The following NLGN1 variants were observed in gnomAD, a reference collection of about 807,000 sequenced individuals.
NLGN1 encodes neuroligin-1.
A neutral mutation model predicts 65.5 loss-of-function variants in NLGN1; 12 were observed. The observed-to-expected ratio is 0.18, with a 90% CI of 0.12 to 0.30. NLGN1 has a LOEUF of 0.30. NLGN1 is among the 10% of genes least tolerant of loss of function. The pLI, the probability that NLGN1 is intolerant of heterozygous loss-of-function variation, is 1.00. For synonymous variants in NLGN1, 350 were observed against 359.5 expected (o/e 0.97, Z 0.30); for missense variants, 750 against 1,007.1 (o/e 0.74, Z 3.46).
chr3:174,020,492 T>C (rs1024452665), intron 4 of NLGN1, among the ~76,000 whole-genome samples: 1 of 152,160 alleles, frequency 6.6e-6, no homozygotes, highest in African/African-American at 2.4e-5. Context: ...TGTTACCTAA[T>C]TTAAAAAACA....
chr3:173,946,314 TTG>T (rs914854059), intron 4 of NLGN1, among the ~76,000 whole-genome samples: 10 of 151,730 alleles, frequency 6.6e-5, no homozygotes, highest in Non-Finnish European at 1.0e-4. Flanking sequence ...TTGTGTTTGG[TTG>T]TGTGTGTGTG....
At chr3:173,449,539 G>C (rs898892426) in intron 2 of NLGN1, among the ~76,000 whole-genome samples, 1 of 152,194 alleles carries the variant, frequency 6.6e-6, no homozygotes, top group Non-Finnish European at 1.5e-5. Flanking sequence ...TGTATATTCT[G>C]TTGATTTGGG....
chr3:173,967,084 A>G (rs1715051127), intron 4 of NLGN1, among the ~76,000 whole-genome samples: 1 of 152,226 alleles, frequency 6.6e-6, no homozygotes, highest in Admixed American at 6.5e-5. Context: ...ATCGGCATGG[A>G]AGTCAAGCTC....
intron 3 of NLGN1, among the ~76,000 whole-genome samples, chr3:173,779,044 AAAG>A (rs1780738957): frequency 6.6e-6 from 1 of 151,542 alleles, no homozygotes; most frequent in Non-Finnish European, 1.5e-5. Flanking sequence ...GAAATACTTT[AAAG>A]AATAAGAACA....
chr3:174,149,838 G>A (rs1724003436), intron 4 of NLGN1, among the ~76,000 whole-genome samples: 1 of 152,046 alleles, frequency 6.6e-6, no homozygotes, highest in Non-Finnish European at 1.5e-5. Context: ...TGGTTTGAGA[G>A]CTTTTGAATA....
At chr3:173,862,363 G>C (rs529018892) in intron 4 of NLGN1, among the ~76,000 whole-genome samples, 3 of 151,140 alleles carry the variant, frequency 2.0e-5, no homozygotes, top group Non-Finnish European at 3.0e-5. Flanking sequence ...AAAATTAGCC[G>C]GGCGTAGTGG....
At position 173,972,312 on chromosome 3, in the gene NLGN1, A is replaced by T. The variant is rs77069985; in HGVS notation, c.646+164480A>T. The stretch of plus-strand genomic sequence containing the variant: ...CTGGCTTACTACTTTATGATTTATT[A>T]TATGTAATTTAAAGTGATTAGGTTT... On this transcript the variant is annotated intron_variant, in intron 4 of 6. Transcript: ENST00000457714. 2.0e-5 allele frequency among the ~76,000 whole-genome samples: 3 copies of T among 152,182 alleles called. No homozygotes were observed. The East Asian group carries it at 5.8e-4, about 30-fold the overall frequency.
At chr3:173,628,379 G>A (rs1755132718) in intron 3 of NLGN1, among the ~76,000 whole-genome samples, 1 of 152,046 alleles carries the variant, frequency 6.6e-6, no homozygotes, top group African/African-American at 2.4e-5. Flanking sequence ...CTTAGGTTTT[G>A]CCTTTTACAG....
At chr3:174,251,172 A>G (rs887183068) in intron 4 of NLGN1, among the ~76,000 whole-genome samples, 1 of 152,264 alleles carries the variant, frequency 6.6e-6, no homozygotes, top group East Asian at 1.9e-4. Context: ...GAAATGGTTA[A>G]TACAAAATGA....
chr3:174,166,325 G>A (rs543348221), intron 4 of NLGN1, among the ~76,000 whole-genome samples: 29 of 151,980 alleles, frequency 1.9e-4, no homozygotes, highest in African/African-American at 4.8e-4. Context: ...TGAGATAGGC[G>A]TTTAGCACTA....
chr3:173,637,255 T>A (rs961005540), intron 3 of NLGN1, among the ~76,000 whole-genome samples: 2 of 152,126 alleles, frequency 1.3e-5, no homozygotes, highest in African/African-American at 4.8e-5. Context: ...CAGTTTATCA[T>A]AAAATATCTT....
At chr3:174,197,508 T>A in intron 4 of NLGN1, among the ~76,000 whole-genome samples, 1 of 95,998 alleles carries the variant, frequency 1.0e-5, no homozygotes, top group African/African-American at 4.7e-5. Flanking sequence ...TGAGCTACGG[T>A]ACTTAACCTC....
intron 4 of NLGN1, among the ~76,000 whole-genome samples, chr3:174,044,250 G>A (rs564886103): frequency 1.3e-4 from 20 of 152,212 alleles, no homozygotes; most frequent in Admixed American, 3.9e-4. Flanking sequence ...GACATGCCCC[G>A]GAGACATTTT....
At chr3:174,220,750 C>T (rs1453534736) in intron 4 of NLGN1, among the ~76,000 whole-genome samples, 1 of 151,806 alleles carries the variant, frequency 6.6e-6, no homozygotes, top group Non-Finnish European at 1.5e-5. Context: ...TTGTGCTTTC[C>T]CTGTACCTGA....
intron 4 of NLGN1, among the ~76,000 whole-genome samples, chr3:174,241,993 A>C (rs891336907): frequency 1.3e-5 from 2 of 152,156 alleles, no homozygotes; most frequent in Non-Finnish European, 2.9e-5. Context: ...GTGTGCCAGC[A>C]GAGCACAGTA....
At chr3:173,482,388 G>A (rs536717680) in intron 2 of NLGN1, among the ~76,000 whole-genome samples, 1 of 151,460 alleles carries the variant, frequency 6.6e-6, no homozygotes, top group South Asian at 2.1e-4. Context: ...TTTTTTCCAG[G>A]TGGATCTGAT....
chr3:173,613,649 G>T (rs766627621), intron 3 of NLGN1, among the ~76,000 whole-genome samples: 10 of 151,938 alleles, frequency 6.6e-5, no homozygotes, highest in Non-Finnish European at 1.3e-4. Context: ...TGTTCCATTT[G>T]TTACTTTAGG....
At chr3:173,888,482 A>G (rs1360532406) in intron 4 of NLGN1, among the ~76,000 whole-genome samples, 1 of 151,760 alleles carries the variant, frequency 6.6e-6, no homozygotes, top group African/African-American at 2.4e-5. Context: ...AGTAAATTTG[A>G]TTGGCCATTG....
At chr3:173,425,060 T>TGAAGGA (rs1307095034) in intron 1 of NLGN1, among the ~76,000 whole-genome samples, 1 of 152,052 alleles carries the variant, frequency 6.6e-6, no homozygotes, top group Non-Finnish European at 1.5e-5. Context: ...TGGTGGAAGG[T>TGAAGGA]GAAGGAGAAG....
Sources: gnomAD v4.1 joint callset for allele counts (sites outside exome capture counted in the v4.1 genomes callset) on GRCh38, gnomAD v4.1.1 for gene constraint, MANE v1.5 for transcripts, NCBI Gene and HGNC (gene_info 2026-07-23, HGNC 2026-07-21) for gene names.